EGFLAM: variants seen among roughly 807,000 people sequenced by gnomAD.
EGFLAM encodes EGF like, fibronectin type III and laminin G domains.
Under a neutral mutation model 113.1 loss-of-function variants are expected in EGFLAM, and 79 were observed. The observed-to-expected ratio is 0.70, with a 90% confidence interval of 0.58 to 0.84. EGFLAM has a LOEUF of 0.84. Ranked by LOEUF, EGFLAM falls within the 40% of genes least tolerant of loss-of-function variation. The pLI is 0.00. For synonymous variants in EGFLAM, 504 were observed against 487.6 expected, an observed-to-expected ratio of 1.03 and a Z score of -0.44; for missense variants, 1,265 against 1,291.6, an observed-to-expected ratio of 0.98 and a Z score of 0.32.
chr5:38,274,861 A>G (rs986884964), intron 1 of EGFLAM, among the ~76,000 whole-genome samples: 1 of 152,244 alleles, frequency 6.6e-6, no homozygotes, highest in African/African-American at 2.4e-5. Context: ...TATTAAGGTT[A>G]AAAGACCAAC....
chr5:38,404,348 C>T (rs1741210977), intron 6 of EGFLAM, among the ~76,000 whole-genome samples: 1 of 152,100 alleles, frequency 6.6e-6, no homozygotes, highest in South Asian at 2.1e-4. Flanking sequence ...TTAAAGAGGC[C>T]CAAAGGGGCT....
At chr5:38,352,360 A>G in intron 5 of EGFLAM, 29 bp downstream of exon 5, 1 of 1,612,128 alleles carries the variant, frequency 6.2e-7, no homozygotes, top group Non-Finnish European at 8.5e-7. Flanking sequence ...TTCAAAAGCC[A>G]AATGTGTGCT....
intron 17 of EGFLAM, among the ~76,000 whole-genome samples, chr5:38,444,186 G>GT (rs1179417492): frequency 1.3e-5 from 2 of 152,092 alleles, no homozygotes; most frequent in Non-Finnish European, 2.9e-5. Flanking sequence ...TTCTGTGTGT[G>GT]TCACCATATG....
intron 3 of EGFLAM, among the ~76,000 whole-genome samples, chr5:38,346,090 G>A (rs1739465870): frequency 6.6e-6 from 1 of 152,102 alleles, no homozygotes; most frequent in Non-Finnish European, 1.5e-5. Flanking sequence ...CAGCTTCAGG[G>A]AAGGTCACCC....
chr5:38,344,652 G>A (rs1301850484), intron 3 of EGFLAM, among the ~76,000 whole-genome samples: 1 of 152,140 alleles, frequency 6.6e-6, no homozygotes, highest in Non-Finnish European at 1.5e-5. Context: ...TTCCTCCCAT[G>A]GAACTGTCTG....
chr5:38,333,483 T>C (rs190451948), intron 1 of EGFLAM, among the ~76,000 whole-genome samples: 327 of 152,346 alleles, frequency 2.1e-3, no homozygotes, highest in African/African-American at 7.7e-3. Context: ...GACTTTTTAA[T>C]AATAGCCATT....
At chr5:38,413,185 ATTTTTTTTTTT>A (rs34326457) in intron 11 of EGFLAM, among the ~76,000 whole-genome samples, 2 of 100,882 alleles carry the variant, frequency 2.0e-5, no homozygotes, top group Admixed American at 1.2e-4. Flanking sequence ...TGCCTGGCTA[ATTTTTTTTTTT>A]TTTTTTTTTT....
chr5:38,353,741 G>A (rs759890751), intron 5 of EGFLAM, among the ~76,000 whole-genome samples: 7 of 152,184 alleles, frequency 4.6e-5, no homozygotes, highest in Non-Finnish European at 7.3e-5. Flanking sequence ...GGCTAGATCC[G>A]TGTCAATTCA....
chr5:38,425,854 G>A (rs773555033), intron 13 of EGFLAM, among the ~76,000 whole-genome samples: 6 of 152,300 alleles, frequency 3.9e-5, no homozygotes, highest in African/African-American at 1.2e-4. Flanking sequence ...GAGGCCAGGC[G>A]CAGTGGCTCA....
intron 6 of EGFLAM, among the ~76,000 whole-genome samples, chr5:38,392,789 T>G (rs1358903513): frequency 6.6e-6 from 1 of 152,176 alleles, no homozygotes; most frequent in East Asian, 1.9e-4. Context: ...ACCCATTAAC[T>G]CATCATTTAC....
At chr5:38,364,094 C>A (rs750919329) in intron 5 of EGFLAM, among the ~76,000 whole-genome samples, 3 of 152,188 alleles carry the variant, frequency 2.0e-5, no homozygotes, top group Non-Finnish European at 2.9e-5. Context: ...TATTTTAATT[C>A]AGCTCAATCA....
At chr5:38,328,747 A>G (rs1218491626) in intron 1 of EGFLAM, among the ~76,000 whole-genome samples, 3 of 82,338 alleles carry the variant, frequency 3.6e-5, no homozygotes, top group African/African-American at 1.3e-4. Flanking sequence ...TTTTTTTTGC[A>G]AATTGTCTCT....
chr5:38,271,183 A>T (rs1757756088), intron 1 of EGFLAM, among the ~76,000 whole-genome samples: 1 of 152,176 alleles, frequency 6.6e-6, no homozygotes, highest in Non-Finnish European at 1.5e-5. Flanking sequence ...CTATAGTAGT[A>T]ATAGATTTTT....
chr5:38,462,807 A>G, intron 20 of EGFLAM, 101 bp from the exon 21 acceptor site: 1 of 1,305,050 alleles, frequency 7.7e-7, no homozygotes, highest in Non-Finnish European at 1.1e-6. Context: ...TACCTGGCAC[A>G]TAGTGTGTCC....
At chr5:38,356,816 C>A (rs1050038827) in intron 5 of EGFLAM, among the ~76,000 whole-genome samples, 13 of 152,314 alleles carry the variant, frequency 8.5e-5, no homozygotes, top group African/African-American at 2.6e-4. Context: ...TCAGAGAGAG[C>A]TTTCCTGGGC....
In EGFLAM at chr5:38,258,587, GTCCTACCTCTTGGAACTACCCGTGTT is replaced by G. The variant is rs1757408657; in HGVS notation, c.-164_-139del. Reference sequence around the variant, plus strand: ...CGCGCACGCCGACCTCCCGGCTGCAGTCCTACCTCTTGGAACTACCCGTGTTTCCGGGCCCAGCCCTCGCAGCCCCC... The same window carrying G: ...CGCGCACGCCGACCTCCCGGCTGCAGTCCGGGCCCAGCCCTCGCAGCCCCC... On this transcript the variant is annotated 5_prime_UTR_variant, in exon 1 of 22. Transcript: ENST00000322350. 1.4e-6 allele frequency: 1 copy of G among 740,016 alleles called. No individual in the cohort carries two copies. The highest frequency in any genetic ancestry group is 2.8e-5 in the East Asian group (1 of 36,170). The allele number at this position is 740,016 out of a possible 1,614,324, so 45.8% of individuals were successfully genotyped here. A position where few individuals can be genotyped will look rare whatever the true frequency, so the allele number is the denominator to read the frequency against.
At chr5:38,413,304 C>T (rs984997167) in intron 11 of EGFLAM, among the ~76,000 whole-genome samples, 4 of 147,092 alleles carry the variant, frequency 2.7e-5, no homozygotes, top group Non-Finnish European at 5.9e-5. Context: ...GCTGGGGTTA[C>T]GGGGATGAGC....
At chr5:38,359,473 G>A (rs998849113) in intron 5 of EGFLAM, among the ~76,000 whole-genome samples, 11 of 152,132 alleles carry the variant, frequency 7.2e-5, no homozygotes, top group Admixed American at 5.9e-4. Context: ...CCAGGAGTTT[G>A]AGACCAGCCT....
At chr5:38,297,227 C>T (rs1758470510) in intron 1 of EGFLAM, among the ~76,000 whole-genome samples, 1 of 152,082 alleles carries the variant, frequency 6.6e-6, no homozygotes, top group East Asian at 1.9e-4. Flanking sequence ...TTAGAGGCAG[C>T]TGGGTGAAGG....
Sources: gnomAD v4.1 joint callset for allele counts (sites outside exome capture counted in the v4.1 genomes callset) on GRCh38, gnomAD v4.1.1 for gene constraint, MANE v1.5 for transcripts, NCBI Gene and HGNC (gene_info 2026-07-23, HGNC 2026-07-21) for gene names.